Variants in MFRP observed in about 807,000 individuals in gnomAD.
The protein encoded by MFRP is membrane frizzled-related protein.
A neutral mutation model predicts 65.8 loss-of-function variants in MFRP; 74 were observed. The ratio of observed to expected loss-of-function variants is 1.12; its 90% confidence interval spans 0.93 to 1.36. MFRP has a LOEUF of 1.36. Ranked by LOEUF, MFRP falls within the 40% of genes most tolerant of loss-of-function variation. The pLI, the probability that MFRP is intolerant of heterozygous loss-of-function variation, is 0.00. For synonymous variants in MFRP, 336 were observed against 288.3 expected (o/e 1.17, Z -1.68); for missense variants, 838 against 736.0 (o/e 1.14, Z -1.60).
intron 11 of MFRP, 148 bp from the exon 12 acceptor site, chr11:119,342,132 T>A: frequency 1.0e-6 from 1 of 960,932 alleles, no homozygotes; most frequent in Non-Finnish European, 1.6e-6. Context: ...AGACAGGCTG[T>A]ACACACTCTG....
rs750359243 is a variant in MFRP at position 119,343,224 on chromosome 11, G to T, written c.1125-221C>A. ...CACTTCTAGATGGGGAAAAATCAGC[G>T]AAGCAGCCTGGCATTGTGGCTCACA... On this transcript the variant is annotated intron_variant, in intron 9 of 14. Coordinates refer to ENST00000619721, the MANE Select transcript of MFRP (RefSeq NM_031433.4). Among the ~76,000 whole-genome samples the T allele has an allele frequency of 4.6e-5, 7 of 152,230 alleles. No individual in the cohort carries two copies. The South Asian group carries it at 8.3e-4, about 18-fold the overall frequency.
At chr11:119,345,723 A>C (rs557246739) in intron 4 of MFRP, 50 bp downstream of exon 4, 237 of 1,609,324 alleles carry the variant, frequency 1.5e-4, no homozygotes, top group Admixed American at 1.1e-3. Flanking sequence ...CCTCAACCCC[A>C]CCCCGTCATC....
In MFRP at chr11:119,344,316, A is replaced by T. The variant is rs1454970461; in HGVS notation, c.974T>A (p.Leu325Gln). The stretch of plus-strand genomic sequence containing the variant: ...TTCTGCATGGAGCACTGTGCTTACC[A>T]GTTGGTGAGGGTACTGCTGCAGGTA... ...PSYLQQYPHQ[L>Q]LCTWHISVPA... Residue 325 changes from leucine to glutamine, a missense_variant and splice_region_variant, in exon 8 of 15, where the codon CTG becomes CAG. By Grantham distance (113) the Leu-to-Gln change is moderately radical. Transcript: ENST00000619721. 1 of 1,613,800 alleles carries T rather than the reference A, an allele frequency of 6.2e-7. No individual in the cohort carries two copies. Among genetic ancestry groups the T allele is most frequent in the South Asian group, 1.1e-5 (1 of 91,082 alleles).
intron 3 of MFRP, 25 bp downstream of exon 3, chr11:119,346,021 T>TAC: frequency 1.2e-6 from 2 of 1,612,588 alleles, no homozygotes. Flanking sequence ...AAAGCCCTCG[T>TAC]TTCAAGCTGT....
rs538868301 is a variant in MFRP, at chr11:119,344,628, G to A, written c.898+4C>T. 6.9e-5 allele frequency: 111 copies of A among 1,614,024 alleles called. No individual in the cohort carries two copies. The highest frequency in any genetic ancestry group is 3.6e-4 in the South Asian group (33 of 91,078). ...AAGAGAGGACCCCCATGCCTGGCCC[G>A]TACCCGAGAACTTGGCACTGCAATT... On this transcript the variant is annotated splice_donor_region_variant and intron_variant, in intron 7 of 14. Transcript: ENST00000619721.
Position 119,345,561 on chromosome 11 carries a change from T to C in MFRP, c.500A>G (p.Asn167Ser), listed in dbSNP as rs376472859. Reference protein sequence around the residue: ...SPNYPDPYPPNTHCVWHIQVA... With the variant: ...SPNYPDPYPPSTHCVWHIQVA... Reference sequence around the variant, plus strand: ...CTGGATATGCCACACGCAGTGGGTGTTGGGGGGGTAAGGGTCTGGGTAGTT... The same window carrying C: ...CTGGATATGCCACACGCAGTGGGTGCTGGGGGGGTAAGGGTCTGGGTAGTT... Residue 167 changes from asparagine (N) to serine (S), a missense_variant, in exon 5 of 15, where the codon AAC becomes AGC. Coordinates refer to ENST00000619721, the MANE Select transcript of MFRP (RefSeq NM_031433.4). 51 of 1,613,818 alleles carry C rather than the reference T, an allele frequency of 3.2e-5. No individual in the cohort carries two copies. Among genetic ancestry groups the C allele is most frequent in the Non-Finnish European group, 4.1e-5 (48 of 1,180,010 alleles).
At chr11:119,342,519 C>T in intron 11 of MFRP, 77 bp downstream of exon 11, 3 of 1,574,856 alleles carry the variant, frequency 1.9e-6, no homozygotes, top group Admixed American at 1.8e-5. Context: ...TGGGATGGGA[C>T]ACTGTGCAGT....
rs753835210 is a variant in MFRP at position 119,344,386 on chromosome 11, C to T, written c.904G>A (p.Gly302Arg). 3.1e-6 allele frequency: 5 copies of T among 1,613,644 alleles called. No homozygotes were observed. Among genetic ancestry groups the T allele is most frequent in the Non-Finnish European group, 4.2e-6 (5 of 1,179,824 alleles). The change falls in exon 8 of 15, where the codon GGG (glycine) becomes AGG (arginine). Residue 302 changes from glycine (G) to arginine (R), a missense_variant. Transcript: ENST00000619721. ...CCCTGGAGGCCAGTCAGATTCCCCC[C>T]ACACCCTGTAGAGAGGTGGAAGGGC... The part of the protein sequence containing the change: ...TNCSAKFSGC[G>R]GNLTGLQGTF...
At chr11:119,343,157 A>G (rs1458727104) in intron 9 of MFRP, among the ~76,000 whole-genome samples, 154 bp from the exon 10 acceptor site, 1 of 152,178 alleles carries the variant, frequency 6.6e-6, no homozygotes, top group African/African-American at 2.4e-5. Flanking sequence ...AGACACATAT[A>G]TTCAACAGGG....
chr11:119,345,568 G>C lies in MFRP; in HGVS notation c.493C>G (p.Pro165Ala), dbSNP rs201553042. 8 of 1,613,908 alleles carry C rather than the reference G, an allele frequency of 5.0e-6. No individual in the cohort carries two copies. The highest frequency in any genetic ancestry group is 1.7e-5 in the Admixed American group (1 of 59,996). The change falls in exon 5 of 15, where the codon CCC (proline) becomes GCC (alanine). Residue 165 changes from proline (P) to alanine (A), a missense_variant. Coordinates refer to ENST00000619721, the MANE Select transcript of MFRP (RefSeq NM_031433.4). ...FSSPNYPDPY[P>A]PNTHCVWHIQ... ...TGCCACACGCAGTGGGTGTTGGGGGGGTAAGGGTCTGGGTAGTTAGGGCTG... is the reference window on the plus strand; with the variant it reads ...TGCCACACGCAGTGGGTGTTGGGGGCGTAAGGGTCTGGGTAGTTAGGGCTG...
chr11:119,341,569 C>T lies in MFRP; in HGVS notation c.1719G>A (p.Leu573=), dbSNP rs757296756. ...NCNRLPEAAD[L]EACAQP ...AGGGTCAGGGCTGGGCACAAGCTTC[C>T]AGGTCAGCTGCCTCTGGCAGCCTGT... is the stretch of plus-strand genomic sequence containing the variant. The change falls in exon 13 of 15, where the codon CTG becomes CTA. Residue 573 remains leucine (L), a synonymous_variant. Transcript: ENST00000619721. The T allele has an allele frequency of 1.2e-6, 2 of 1,612,762 alleles. No homozygotes were observed. The highest frequency in any genetic ancestry group is 2.2e-5 in the East Asian group (1 of 44,892).
chr11:119,339,872 G>A lies in MFRP; in HGVS notation c.*1111-24C>T, dbSNP rs141429422. 5,280 of 1,452,790 alleles carry A rather than the reference G, an allele frequency of 3.6e-3. 17 individuals are homozygous for A. The highest frequency in any genetic ancestry group is 5.5e-3 in the Admixed American group (207 of 37,632). 90.0% of individuals were successfully genotyped at this position (1,452,790 alleles called of 1,614,324 possible). ...TCCTGCGGGGTAAGCGGGGCGGCAG[G>A]GTGAGAGTAGCGGCGGCTCAGCCCG... On this transcript the variant is annotated intron_variant, in intron 14 of 14. Coordinates refer to ENST00000619721, the MANE Select transcript of MFRP (RefSeq NM_031433.4). The surrounding 1 kb of genome is among the most constrained non-coding windows in gnomAD (Gnocchi z 5.4).
chr11:119,346,591 C>G lies in MFRP; in HGVS notation c.-78G>C. 6.8e-7 allele frequency: 1 copy of G among 1,475,336 alleles called. No homozygotes were observed. The highest frequency in any genetic ancestry group is 9.5e-7 in the Non-Finnish European group (1 of 1,055,906). The allele number at this position is 1,475,336 out of a possible 1,614,324, so 91.4% of individuals were successfully genotyped here. A position where few individuals can be genotyped will look rare whatever the true frequency, so the allele number is the denominator to read the frequency against. On this transcript the variant is annotated 5_prime_UTR_variant, in exon 1 of 15. Transcript: ENST00000619721. ...CAAGGGCCCACTCGCTGACCACAAACTCCCTGTCAGAGGGGCAGCCTCTAC... is the reference window on the plus strand; with the variant it reads ...CAAGGGCCCACTCGCTGACCACAAAGTCCCTGTCAGAGGGGCAGCCTCTAC...
At position 119,341,182 on chromosome 11, in the gene MFRP, G is replaced by A; in HGVS notation, c.*366C>T. 3.3e-6 allele frequency: 1 copy of A among 301,540 alleles called. No individual in the cohort carries two copies. Among genetic ancestry groups the A allele is most frequent in the Admixed American group, 4.7e-5 (1 of 21,242 alleles). The allele number at this position is 301,540 out of a possible 1,614,324, so 18.7% of individuals were successfully genotyped here. A position where few individuals can be genotyped will look rare whatever the true frequency, so the allele number is the denominator to read the frequency against. On this transcript the variant is annotated 3_prime_UTR_variant, in exon 13 of 15. Coordinates refer to ENST00000619721, the MANE Select transcript of MFRP (RefSeq NM_031433.4). Reference sequence around the variant, plus strand: ...TGGATCCCTAGGGCCTAGGACAGGGGCCTGCCACATGAATAGATGCTCAGT... The same window carrying A: ...TGGATCCCTAGGGCCTAGGACAGGGACCTGCCACATGAATAGATGCTCAGT...
At chr11:119,342,506 G>C in intron 11 of MFRP, 90 bp downstream of exon 11, 1 of 1,536,750 alleles carries the variant, frequency 6.5e-7, no homozygotes, top group Non-Finnish European at 8.8e-7. Flanking sequence ...CCCTCAGGGA[G>C]GTTGGGATGG....
At chr11:119,340,027 G>A (rs1180002645) in intron 14 of MFRP, among the ~76,000 whole-genome samples, 157 bp downstream of exon 14, 1 of 152,166 alleles carries the variant, frequency 6.6e-6, no homozygotes, top group Non-Finnish European at 1.5e-5. Context: ...CTGGCCAAGG[G>A]GGCTCCCGCC....
chr11:119,345,459 C>A lies in MFRP; in HGVS notation c.602G>T (p.Arg201Leu), dbSNP rs141474039. The change falls in exon 5 of 15, where the codon CGC becomes CTC. Residue 201 changes from arginine (R) to leucine (L), a missense_variant. Transcript: ENST00000619721. ...TTCAGGCTCAGGGGAGAGTTCCAAG[C>A]GATCAAAAAGGCAAGAGGCCACACT... Reference protein sequence around the residue: ...IESVASCLFDRLELSPEPEGP... With the variant: ...IESVASCLFDLLELSPEPEGP... 6.2e-7 allele frequency: 1 copy of A among 1,613,930 alleles called. No individual in the cohort carries two copies. Among genetic ancestry groups the A allele is most frequent in the Non-Finnish European group, 8.5e-7 (1 of 1,180,018 alleles).
chr11:119,342,822 C>A, intron 10 of MFRP, 51 bp downstream of exon 10: 1 of 1,613,050 alleles, frequency 6.2e-7, no homozygotes, highest in Non-Finnish European at 8.5e-7. Flanking sequence ...CCTTGTCTGT[C>A]CCCCTGGAGG....
Position 119,345,616 on chromosome 11 carries a change from A to G in MFRP, c.445T>C (p.Ser149Pro). The G allele has an allele frequency of 6.2e-7, 1 of 1,613,732 alleles. No homozygotes were observed. Among genetic ancestry groups the G allele is most frequent in the Non-Finnish European group, 8.5e-7 (1 of 1,179,958 alleles). ...CTGCTGAAGAAGCCCCTTGGGCCAG[A>G]GAGGAGGCCTCCACAGGCTGCAGAG... Reference protein sequence around the residue: ...SPQSTCGGLLSGPRGFFSSPN... With the variant: ...SPQSTCGGLLPGPRGFFSSPN... The change falls in exon 5 of 15, where the codon TCT becomes CCT. Residue 149 changes from serine (S) to proline (P), a missense_variant. Transcript: ENST00000619721.
Sources: gnomAD v4.1 joint callset for allele counts (sites outside exome capture counted in the v4.1 genomes callset) on GRCh38, gnomAD v4.1.1 for gene constraint, Gnocchi (gnomAD v3.1) non-coding constraint, MANE v1.5 for transcripts, NCBI Gene and HGNC (gene_info 2026-07-23, HGNC 2026-07-21) for gene names.